GRM8: variants seen among roughly 807,000 people sequenced by gnomAD.
GRM8 encodes the protein metabotropic glutamate receptor 8.
Under a neutral mutation model 87.2 loss-of-function variants are expected in GRM8, and 47 were observed. That is an observed-to-expected ratio of 0.54 (90% CI 0.43 to 0.69). The LOEUF is 0.69. Among genes scored for constraint, GRM8 ranks in the 30% least tolerant of loss-of-function variants. GRM8 has a pLI of 0.00. For synonymous variants in GRM8, 396 were observed against 404.5 expected, an observed-to-expected ratio of 0.98 and a Z score of 0.25; for missense variants, 1,019 against 1,139.2, an observed-to-expected ratio of 0.89 and a Z score of 1.52.
At position 126,802,759 on chromosome 7, in the gene GRM8, A is replaced by C. The variant is rs187678983; in HGVS notation, c.1157-32694T>G. ...ATAAATGGCAGAATCACTAGAAGCC[A>C]TGCCACAAACTGGAATAAAACCACA... On this transcript the variant is annotated intron_variant, in intron 6 of 10. Transcript: ENST00000339582. 6.9e-4 allele frequency among the ~76,000 whole-genome samples: 105 copies of C among 152,334 alleles called. 1 individual carries two copies. Among genetic ancestry groups the C allele is most frequent in the African/African-American group, 2.3e-3 (94 of 41,564 alleles).
At chr7:127,134,385 T>C (rs1292935516) in intron 2 of GRM8, among the ~76,000 whole-genome samples, 2 of 152,222 alleles carry the variant, frequency 1.3e-5, no homozygotes, top group African/African-American at 4.8e-5. Context: ...CACATCTTGT[T>C]ACAGATCTCA....
intron 6 of GRM8, among the ~76,000 whole-genome samples, chr7:126,837,276 C>A (rs557450500): frequency 2.6e-5 from 4 of 152,060 alleles, no homozygotes; most frequent in Admixed American, 6.6e-5. Context: ...TCAAAATCTT[C>A]GTTAAGACTA....
chr7:126,679,920 A>C (rs1471780244), intron 7 of GRM8, among the ~76,000 whole-genome samples: 1 of 152,058 alleles, frequency 6.6e-6, no homozygotes, highest in Non-Finnish European at 1.5e-5. Context: ...AATCCTAGCT[A>C]CCCAGGAGGC....
At position 127,243,173 on chromosome 7, in the gene GRM8, C is replaced by G. The variant is rs1798405968; in HGVS notation, c.32G>C (p.Cys11Ser). The G allele has an allele frequency of 6.2e-7, 1 of 1,611,834 alleles. No individual in the cohort carries two copies. The highest frequency in any genetic ancestry group is 1.3e-5 in the African/African-American group (1 of 74,916). MVCEGKRSAS[C>S]PCFFLLTAKF... ...GGCGGTCAAGAGGAAGAAACAAGGG[C>G]AAGAGGCTGATCGCTTTCCCTCGCA... is the stretch of plus-strand genomic sequence containing the variant. Residue 11 changes from cysteine to serine, a missense_variant, in exon 2 of 11, where the codon TGC becomes TCC. By Grantham distance (112) the Cys-to-Ser change is moderately radical. Transcript: ENST00000339582.
intron 6 of GRM8, among the ~76,000 whole-genome samples, chr7:126,885,842 C>T (rs1800442443): frequency 6.6e-6 from 1 of 152,098 alleles, no homozygotes; most frequent in South Asian, 2.1e-4. Flanking sequence ...AACAGGAAAT[C>T]CAATTTGTAA....
intron 7 of GRM8, among the ~76,000 whole-genome samples, chr7:126,702,597 C>G (rs1260792467): frequency 2.6e-4 from 40 of 152,020 alleles, no homozygotes. Flanking sequence ...TGGTTCTGAC[C>G]CCACTTCCTG....
chr7:127,212,427 T>A lies in GRM8; in HGVS notation c.510+30268A>T, dbSNP rs1283321743. 1.1e-4 allele frequency among the ~76,000 whole-genome samples: 16 copies of A among 145,906 alleles called. No individual in the cohort carries two copies. The South Asian group carries it at 2.7e-3, about 25-fold the overall frequency. On this transcript the variant is annotated intron_variant, in intron 2 of 10. Coordinates refer to ENST00000339582, the MANE Select transcript of GRM8 (RefSeq NM_000845.3). ...ATGGTGTTATTTTTTTTTTTTTTTT[T>A]TTTTTTTTGAGACGGAGTCTCGCTC...
intron 7 of GRM8, among the ~76,000 whole-genome samples, chr7:126,688,533 T>TTTA (rs1808416823): frequency 6.6e-6 from 1 of 151,844 alleles, no homozygotes; most frequent in Non-Finnish European, 1.5e-5. Context: ...ATAAAAAGAG[T>TTTA]GAACAGAAGT....
At chr7:127,106,096 C>T (rs1825780769) in intron 3 of GRM8, among the ~76,000 whole-genome samples, 1 of 152,190 alleles carries the variant, frequency 6.6e-6, no homozygotes, top group African/African-American at 2.4e-5. Context: ...TAGACTTAGT[C>T]CCTCTAGTGT....
chr7:126,609,441 T>G lies in GRM8; in HGVS notation c.1415A>C (p.Asp472Ala). The change falls in exon 8 of 11, where the codon GAT becomes GCT. Residue 472 changes from aspartate (D) to alanine (A), a missense_variant. Asp to Ala is a moderately radical substitution (Grantham distance 126). Coordinates refer to ENST00000339582, the MANE Select transcript of GRM8 (RefSeq NM_000845.3). Reference protein sequence around the residue: ...NENGDAPGRYDIFQYQITNKS... With the variant: ...NENGDAPGRYAIFQYQITNKS... ...GTTGGTTATTTGATACTGGAAGATA[T>G]CATAACGTCCAGGAGCATCTCCGTT... 1 of 1,612,014 alleles carries G rather than the reference T, an allele frequency of 6.2e-7. No individual in the cohort carries two copies. Among genetic ancestry groups the G allele is most frequent in the Non-Finnish European group, 8.5e-7 (1 of 1,178,070 alleles).
At chr7:126,762,813 A>G (rs951171235) in intron 7 of GRM8, among the ~76,000 whole-genome samples, 2 of 151,908 alleles carry the variant, frequency 1.3e-5, no homozygotes, top group African/African-American at 4.8e-5. Context: ...CTTTCTAGAA[A>G]TAAGAAAATA....
intron 3 of GRM8, among the ~76,000 whole-genome samples, chr7:126,972,895 G>T (rs929774918): frequency 6.6e-6 from 1 of 152,012 alleles, no homozygotes. Context: ...CTGCCTACTG[G>T]GAACTATAAT....
chr7:126,446,968 T>A (rs1802083262), intron 9 of GRM8, among the ~76,000 whole-genome samples: 1 of 151,904 alleles, frequency 6.6e-6, no homozygotes, highest in Admixed American at 6.6e-5. Context: ...AGGTTCTCAG[T>A]GATAGCATCA....
In GRM8 at chr7:126,973,545, T is replaced by G. The variant is rs138946221; in HGVS notation, c.728-68862A>C. On this transcript the variant is annotated intron_variant, in intron 3 of 10. Coordinates refer to ENST00000339582, the MANE Select transcript of GRM8 (RefSeq NM_000845.3). ...AACCAATGAATGTCAGTGATAAGTT[T>G]ATTATTGTTGTTAATTTTAAAAATA... Among the ~76,000 whole-genome samples the G allele has an allele frequency of 1.8e-3, 271 of 152,304 alleles. 1 individual carries two copies. The highest frequency in any genetic ancestry group is 6.2e-3 in the African/African-American group (259 of 41,546).
chr7:126,704,915 G>A (rs1810335800), intron 7 of GRM8, among the ~76,000 whole-genome samples: 1 of 152,076 alleles, frequency 6.6e-6, no homozygotes, highest in Non-Finnish European at 1.5e-5. Flanking sequence ...CCTTGTGATA[G>A]TCTATTACCT....
intron 2 of GRM8, among the ~76,000 whole-genome samples, chr7:127,168,215 CA>C (rs1182804807): frequency 6.6e-6 from 1 of 152,160 alleles, no homozygotes; most frequent in Non-Finnish European, 1.5e-5. Flanking sequence ...AGACACTTCT[CA>C]AAAGAAGACA....
intron 7 of GRM8, among the ~76,000 whole-genome samples, chr7:126,695,567 G>A (rs965293984): frequency 6.6e-6 from 1 of 152,140 alleles, no homozygotes; most frequent in African/African-American, 2.4e-5. Flanking sequence ...AAGGCCCAAT[G>A]CTGTGAGAAA....
intron 2 of GRM8, among the ~76,000 whole-genome samples, chr7:127,197,967 G>A (rs1227154320): frequency 6.6e-6 from 1 of 151,566 alleles, no homozygotes; most frequent in Non-Finnish European, 1.5e-5. Flanking sequence ...TATGTCTTTT[G>A]CTTTCTAGAT....
At chr7:126,935,661 T>C (rs749395149) in intron 3 of GRM8, among the ~76,000 whole-genome samples, 1 of 152,206 alleles carries the variant, frequency 6.6e-6, no homozygotes, top group Non-Finnish European at 1.5e-5. Flanking sequence ...CTAGCAAGGT[T>C]CAGAAGTGAA....
Sources: allele counts gnomAD v4.1 joint callset (sites outside exome capture counted in the v4.1 genomes callset), GRCh38; gene constraint gnomAD v4.1.1; transcripts MANE v1.5; gene names NCBI Gene and HGNC (gene_info 2026-07-23, HGNC 2026-07-21).